TADA2A: variants seen among roughly 807,000 people sequenced by gnomAD.
TADA2A encodes transcriptional adaptor 2A.
In TADA2A, 38 loss-of-function variants were observed where a neutral mutation model predicts 67.4. The ratio of observed to expected loss-of-function variants is 0.56; its 90% CI spans 0.44 to 0.74. The LOEUF is 0.74. Among genes scored for constraint, TADA2A ranks in the 30% least tolerant of loss-of-function variants. The pLI, the probability that TADA2A is intolerant of heterozygous loss-of-function variation, is 0.00. For missense variants in TADA2A, 454 were observed against 547.0 expected, an observed-to-expected ratio of 0.83 and a Z score of 1.70; for synonymous variants, 192 against 181.6, an observed-to-expected ratio of 1.06 and a Z score of -0.46.
At chr17:37,470,988 T>C in intron 13 of TADA2A, 106 bp from the exon 14 acceptor site, 1 of 1,062,132 alleles carries the variant, frequency 9.4e-7, no homozygotes, top group Non-Finnish European at 1.5e-6. Context: ...CTCATTACAC[T>C]TCTTCAAGGT....
At chr17:37,428,832 G>A (rs1044714246) in intron 4 of TADA2A, among the ~76,000 whole-genome samples, 1 of 152,056 alleles carries the variant, frequency 6.6e-6, no homozygotes, top group African/African-American at 2.4e-5. Context: ...GGATCACAAG[G>A]TCAGGAGATC....
chr17:37,421,047 C>T (rs2052216283), intron 2 of TADA2A, among the ~76,000 whole-genome samples: 1 of 146,512 alleles, frequency 6.8e-6, no homozygotes, highest in Non-Finnish European at 1.5e-5. Flanking sequence ...AGTAGAAGAT[C>T]TGCTGTGTTA....
At chr17:37,438,879 G>A (rs983548186) in intron 5 of TADA2A, among the ~76,000 whole-genome samples, 6 of 152,166 alleles carry the variant, frequency 3.9e-5, no homozygotes, top group African/African-American at 1.4e-4. Context: ...TCTATCCGCT[G>A]TGGGTAAGGC....
chr17:37,449,363 C>T (rs2053170443), intron 8 of TADA2A, among the ~76,000 whole-genome samples: 1 of 152,182 alleles, frequency 6.6e-6, no homozygotes, highest in South Asian at 2.1e-4. Context: ...GACATGAATA[C>T]TATCAGTAAT....
chr17:37,465,709 G>A, intron 11 of TADA2A, 168 bp downstream of exon 11: 1 of 1,276,238 alleles, frequency 7.8e-7, no homozygotes, highest in Non-Finnish European at 1.1e-6. Flanking sequence ...GGTGGCAGAA[G>A]AGAGGTTAAA....
intron 4 of TADA2A, among the ~76,000 whole-genome samples, chr17:37,433,076 T>C (rs2052619622): frequency 6.6e-6 from 1 of 151,848 alleles, no homozygotes; most frequent in South Asian, 2.1e-4. Flanking sequence ...CATTTCTTTT[T>C]TTTGGTCTTA....
At chr17:37,455,732 A>G (rs1269445221) in intron 8 of TADA2A, among the ~76,000 whole-genome samples, 2 of 152,172 alleles carry the variant, frequency 1.3e-5, no homozygotes, top group African/African-American at 4.8e-5. Context: ...AGGCAGATTT[A>G]GAATATAGCA....
At chr17:37,474,521 A>T in intron 14 of TADA2A, 35 bp from the exon 15 acceptor site, 2 of 1,603,484 alleles carry the variant, frequency 1.2e-6, no homozygotes, top group East Asian at 2.2e-5. Flanking sequence ...TGTCACTCCT[A>T]TTAAATCTAT....
intron 8 of TADA2A, among the ~76,000 whole-genome samples, chr17:37,450,314 T>A (rs1318227754): frequency 1.3e-5 from 2 of 152,212 alleles, no homozygotes; most frequent in East Asian, 3.8e-4. Context: ...GTGTTGCTTC[T>A]GGGGAATACC....
intron 2 of TADA2A, among the ~76,000 whole-genome samples, chr17:37,412,016 C>T (rs1377889087): frequency 1.3e-5 from 2 of 151,210 alleles, no homozygotes; most frequent in Non-Finnish European, 2.9e-5. Context: ...GGAGACCATC[C>T]TGGCTAACAC....
At chr17:37,424,043 C>T (rs972748920) in intron 3 of TADA2A, among the ~76,000 whole-genome samples, 19 of 152,050 alleles carry the variant, frequency 1.2e-4, no homozygotes, top group Non-Finnish European at 1.3e-4. Flanking sequence ...CCACCGCACC[C>T]GGCCCCAATT....
At chr17:37,457,809 T>C (rs914117510) in intron 8 of TADA2A, among the ~76,000 whole-genome samples, 4 of 152,154 alleles carry the variant, frequency 2.6e-5, no homozygotes, top group Non-Finnish European at 4.4e-5. Flanking sequence ...TATTCATTCT[T>C]ATGAGTACTC....
intron 8 of TADA2A, among the ~76,000 whole-genome samples, chr17:37,451,327 C>A (rs939457222): frequency 7.4e-6 from 1 of 135,198 alleles, no homozygotes; most frequent in Admixed American, 7.4e-5. Context: ...TGTTTTTTGG[C>A]TTTTTTTTTT....
intron 11 of TADA2A, among the ~76,000 whole-genome samples, chr17:37,466,344 C>T (rs777812064): frequency 6.6e-6 from 1 of 152,122 alleles, no homozygotes; most frequent in African/African-American, 2.4e-5. Flanking sequence ...TGCTTGAACC[C>T]GGGTAGCCGA....
chr17:37,474,705 C>T (rs2053858294), intron 15 of TADA2A, 76 bp downstream of exon 15: 2 of 1,443,636 alleles, frequency 1.4e-6, no homozygotes, highest in Admixed American at 2.0e-5. Flanking sequence ...AAATCCATTA[C>T]AGGGTCAAAC....
chr17:37,465,365 A>G (rs2053641816), intron 10 of TADA2A, 66 bp from the exon 11 acceptor site: 1 of 1,302,834 alleles, frequency 7.7e-7, no homozygotes, highest in Non-Finnish European at 1.1e-6. Context: ...TAAAAAAAAA[A>G]AAATGCTGAA....
At chr17:37,461,965 C>G (rs957632706) in intron 9 of TADA2A, 113 bp from the exon 10 acceptor site, 34 of 844,326 alleles carry the variant, frequency 4.0e-5, no homozygotes, top group East Asian at 3.0e-4. Context: ...CTTTGGACCT[C>G]TGTATTGTAT....
intron 4 of TADA2A, among the ~76,000 whole-genome samples, chr17:37,436,158 C>G (rs1301183429): frequency 6.6e-6 from 1 of 152,010 alleles, no homozygotes; most frequent in African/African-American, 2.4e-5. Context: ...ATACACTAAT[C>G]TCAAAATAAC....
At chr17:37,447,192 C>T (rs1456671205) in intron 8 of TADA2A, among the ~76,000 whole-genome samples, 1 of 152,162 alleles carries the variant, frequency 6.6e-6, no homozygotes, top group East Asian at 1.9e-4. Context: ...GACAGACTCT[C>T]ACCTTGTTAG....
Sources: gnomAD v4.1 joint callset for allele counts (sites outside exome capture counted in the v4.1 genomes callset) on GRCh38, gnomAD v4.1.1 for gene constraint, MANE v1.5 for transcripts, NCBI Gene and HGNC (gene_info 2026-07-23, HGNC 2026-07-21) for gene names.